The following POTEF variants were observed in gnomAD, a reference collection of about 807,000 sequenced individuals.
POTEF encodes the protein POTE ankyrin domain family member F, also known as ANKRD26-like family C member 1B.
In POTEF, 20 loss-of-function variants were observed where a neutral mutation model predicts 83.2. That is an observed-to-expected ratio of 0.24 (90% CI 0.17 to 0.35). The LOEUF (loss-of-function observed/expected upper bound fraction) is 0.35. Among genes scored for constraint, POTEF ranks in the 10% least tolerant of loss-of-function variants. The pLI is 1.00. For synonymous variants in POTEF, 196 were observed against 446.4 expected (o/e 0.44, Z 7.07); for missense variants, 550 against 1,203.2 (o/e 0.46, Z 8.03).
At chr2:130,075,770 A>G (rs1179465199) in intron 16 of POTEF, among the ~76,000 whole-genome samples, 198 bp from the exon 17 acceptor site, 1 of 146,076 alleles carries the variant, frequency 6.8e-6, no homozygotes, top group Admixed American at 6.8e-5. Context: ...ATCGTCTTTA[A>G]ATAAATATTT....
In POTEF at chr2:130,074,272, G is replaced by T; in HGVS notation, c.3200C>A (p.Pro1067His). The stretch of plus-strand genomic sequence containing the variant: ...CAAGCATTTGCGGTGGACAATGGAG[G>T]GGCCTGACTCATCATACTCCTGCTT... ...ISKQEYDESG[P>H]SIVHRKCL is the part of the protein sequence containing the mutation. The change falls in exon 17 of 17, where the codon CCC becomes CAC. Residue 1067 changes from proline to histidine, a missense_variant. By Grantham distance (77) the Pro-to-His change is moderately conservative. Coordinates refer to ENST00000409914, the MANE Select transcript of POTEF (RefSeq NM_001099771.2). The T allele has an allele frequency of 6.2e-7, 1 of 1,608,608 alleles. No individual in the cohort carries two copies. The highest frequency in any genetic ancestry group is 8.5e-7 in the Non-Finnish European group (1 of 1,178,296).
At chr2:130,128,880 C>G (rs1199558077) in intron 1 of POTEF, among the ~76,000 whole-genome samples, 192 bp downstream of exon 1, 1 of 119,520 alleles carries the variant, frequency 8.4e-6, no homozygotes, top group African/African-American at 3.6e-5. Context: ...CCCCCCATCA[C>G]CCCCGCCACC....
At chr2:130,109,793 G>T (rs1260078074) in intron 7 of POTEF, 1 of 151,648 alleles carries the variant, frequency 6.6e-6, no homozygotes, top group African/African-American at 2.5e-5. Flanking sequence ...TCCACATTAG[G>T]TTCTGAATAT....
intron 15 of POTEF, among the ~76,000 whole-genome samples, chr2:130,083,381 G>C (rs1683944453): frequency 6.6e-6 from 1 of 152,080 alleles, no homozygotes; most frequent in Admixed American, 6.5e-5. Context: ...TGAGCCATGA[G>C]AAACAACAAT....
intron 2 of POTEF, among the ~76,000 whole-genome samples, chr2:130,125,181 T>TA (rs1301162833): frequency 7.1e-6 from 1 of 141,520 alleles, no homozygotes; most frequent in Non-Finnish European, 1.5e-5. Context: ...GTGACGTCTT[T>TA]AGTCTTTAGA....
intron 5 of POTEF, among the ~76,000 whole-genome samples, chr2:130,113,066 T>G (rs1573611915): frequency 6.8e-6 from 1 of 146,958 alleles, no homozygotes; most frequent in Admixed American, 6.7e-5. Flanking sequence ...ATATTCATTT[T>G]AATGTCTCAA....
rs1185899466 is a variant in POTEF, at chr2:130,105,211, G to A, written c.1126+2798C>T. ...TGGGAACACAAACATTTACAAAATG[G>A]CTTTTATTTAAAAAAAAGCCTGCCA... On this transcript the variant is annotated intron_variant, in intron 8 of 16. Transcript: ENST00000409914. Among the ~76,000 whole-genome samples, 36 of 148,850 alleles carry A rather than the reference G, an allele frequency of 2.4e-4. 1 individual carries two copies. Among genetic ancestry groups the A allele is most frequent in the Admixed American group, 2.0e-4 (3 of 14,896 alleles).
At chr2:130,102,447 C>T (rs2259694) in intron 8 of POTEF, among the ~76,000 whole-genome samples, 1 of 104,900 alleles carries the variant, frequency 9.5e-6, no homozygotes, top group South Asian at 3.1e-4. Flanking sequence ...GTAGAAGCAT[C>T]TAAGGTAACA....
At chr2:130,109,753 TC>T (rs1684657088) in intron 7 of POTEF, 1 of 151,180 alleles carries the variant, frequency 6.6e-6, no homozygotes, top group Admixed American at 6.6e-5. Context: ...ACCATGAAGG[TC>T]TCAGCTAATT....
intron 2 of POTEF, 141 bp from the exon 3 acceptor site, chr2:130,120,749 C>T (rs1413193407): frequency 3.6e-6 from 3 of 828,036 alleles, no homozygotes; most frequent in Non-Finnish European, 5.5e-6. Context: ...ACGCCCACCC[C>T]AGAAAGGGCC....
chr2:130,104,750 A>T (rs1346181317), intron 8 of POTEF, among the ~76,000 whole-genome samples: 1 of 151,180 alleles, frequency 6.6e-6, no homozygotes, highest in Non-Finnish European at 1.5e-5. Flanking sequence ...TTTATCCATT[A>T]AGTTCATCTG....
intron 3 of POTEF, among the ~76,000 whole-genome samples, chr2:130,115,868 A>G (rs1229115139): frequency 6.6e-6 from 1 of 152,062 alleles, no homozygotes; most frequent in Non-Finnish European, 1.5e-5. Flanking sequence ...TATTTTAGTG[A>G]TTCTGAGATG....
In POTEF at chr2:130,111,983, A is replaced by G. The variant is rs548345193; in HGVS notation, c.917+12T>C. ...CCATCTACAACACACAGATTAAAAGAAAGAACTATACCTTCCATATCTATC... is the reference window on the plus strand; with the variant it reads ...CCATCTACAACACACAGATTAAAAGGAAGAACTATACCTTCCATATCTATC... On this transcript the variant is annotated intron_variant, in intron 6 of 16. Transcript: ENST00000409914. 8.9e-6 allele frequency: 14 copies of G among 1,576,364 alleles called. No homozygotes were observed. In the South Asian group the frequency reaches 1.1e-4, roughly 13 times the overall value.
At chr2:130,128,355 G>A (rs1479421617) in intron 1 of POTEF, among the ~76,000 whole-genome samples, 2 of 151,882 alleles carry the variant, frequency 1.3e-5, no homozygotes, top group African/African-American at 4.9e-5. Flanking sequence ...CTGGAGTCTG[G>A]AAAAGAGAAG....
At chr2:130,122,719 AT>A (rs1685025015) in intron 2 of POTEF, among the ~76,000 whole-genome samples, 1 of 150,974 alleles carries the variant, frequency 6.6e-6, no homozygotes, top group Non-Finnish European at 1.5e-5. Context: ...ATGTGCTATA[AT>A]TTTCAGTATA....
Position 130,079,494 on chromosome 2 carries a change from T to G in POTEF, c.1779-2293A>C, listed in dbSNP as rs373225266. Among the ~76,000 whole-genome samples the G allele has an allele frequency of 2.4e-4, 21 of 87,202 alleles. 1 individual carries two copies. The East Asian group carries it at 2.6e-3, about 11-fold the overall frequency. The allele number at this position is 87,202 out of a possible 152,430, so 57.2% of individuals were successfully genotyped here. On this transcript the variant is annotated intron_variant, in intron 15 of 16. Coordinates refer to ENST00000409914, the MANE Select transcript of POTEF (RefSeq NM_001099771.2). The stretch of plus-strand genomic sequence containing the variant: ...AAATCTATGGAAAACAGTATGGAGA[T>G]TTCTCAAAGAACTAAAAGTAGATCC...
At chr2:130,121,440 A>C (rs1685001559) in intron 2 of POTEF, among the ~76,000 whole-genome samples, 1 of 115,654 alleles carries the variant, frequency 8.6e-6, no homozygotes, top group African/African-American at 3.6e-5. Context: ...TGCAGCTGGG[A>C]GCTCGGGCTG....
intron 11 of POTEF, among the ~76,000 whole-genome samples, chr2:130,094,808 A>G (rs1375436420): frequency 3.2e-5 from 2 of 62,818 alleles, no homozygotes; most frequent in African/African-American, 1.3e-4. Flanking sequence ...AATAAAATAA[A>G]ATAAAATAGT....
At chr2:130,115,136 T>A in intron 4 of POTEF, 78 bp downstream of exon 4, 1 of 1,611,264 alleles carries the variant, frequency 6.2e-7, no homozygotes, top group Non-Finnish European at 8.5e-7. Context: ...CTAGTTATAT[T>A]TAAAGGAGAA....
Sources: gnomAD v4.1 joint callset for allele counts (sites outside exome capture counted in the v4.1 genomes callset) on GRCh38, gnomAD v4.1.1 for gene constraint, MANE v1.5 for transcripts, NCBI Gene and HGNC (gene_info 2026-07-23, HGNC 2026-07-21) for gene names.